Variants in GPAT3 observed in about 807,000 individuals in gnomAD.
GPAT3 encodes 1-AGP acyltransferase 9.
Under a neutral mutation model 58.8 loss-of-function variants are expected in GPAT3, and 53 were observed. That is an observed-to-expected ratio of 0.90 (90% CI 0.72 to 1.13). The LOEUF is 1.13. GPAT3 is among the 50% of genes most tolerant of loss of function. The pLI is 0.00. For synonymous variants in GPAT3, 197 were observed against 187.4 expected (o/e 1.05, Z -0.42); for missense variants, 511 against 527.6 (o/e 0.97, Z 0.31).
At chr4:83,569,838 T>TA (rs797004680) in intron 2 of GPAT3, among the ~76,000 whole-genome samples, 2,670 of 147,992 alleles carry the variant, frequency 0.018, 26 homozygotes, top group Non-Finnish European at 0.022. Flanking sequence ...CTGCCTCAGT[T>TA]AAAAAAAAAA....
At chr4:83,591,833 A>G (rs1411889294) in intron 6 of GPAT3, among the ~76,000 whole-genome samples, 6 of 152,214 alleles carry the variant, frequency 3.9e-5, no homozygotes, top group Non-Finnish European at 8.8e-5. Context: ...AGAATACCAC[A>G]GACTGTAACT....
Position 83,552,963 on chromosome 4 carries a change from G to A in GPAT3, c.208+8361G>A, listed in dbSNP as rs541604287. Among the ~76,000 whole-genome samples, 8 of 152,242 alleles carry A rather than the reference G, an allele frequency of 5.3e-5. No individual in the cohort carries two copies. The East Asian group carries it at 1.2e-3, about 22-fold the overall frequency. ...GTGAGAAGATAGCCATCTGGAAATCGGAAAGAGAGCCCTCACCAGAACCTG... is the reference window on the plus strand; with the variant it reads ...GTGAGAAGATAGCCATCTGGAAATCAGAAAGAGAGCCCTCACCAGAACCTG... On this transcript the variant is annotated intron_variant, in intron 2 of 11. Transcript: ENST00000264409.
chr4:83,547,545 C>G (rs1214626343), intron 2 of GPAT3, among the ~76,000 whole-genome samples: 1 of 152,132 alleles, frequency 6.6e-6, no homozygotes, highest in South Asian at 2.1e-4. Context: ...AGCTACTGCG[C>G]CTGGCCTCTG....
chr4:83,562,621 G>T (rs1303475628), intron 2 of GPAT3, among the ~76,000 whole-genome samples: 1 of 152,004 alleles, frequency 6.6e-6, no homozygotes, highest in Non-Finnish European at 1.5e-5. Flanking sequence ...TATTTGCAGA[G>T]GGTGAAAGAT....
At chr4:83,541,061 A>G (rs1451850549) in intron 1 of GPAT3, among the ~76,000 whole-genome samples, 1 of 152,156 alleles carries the variant, frequency 6.6e-6, no homozygotes, top group African/African-American at 2.4e-5. Flanking sequence ...GTCTGAGATG[A>G]TTACAGCCAG....
chr4:83,551,625 C>T (rs1724753788), intron 2 of GPAT3, among the ~76,000 whole-genome samples: 1 of 151,818 alleles, frequency 6.6e-6, no homozygotes, highest in Admixed American at 6.6e-5. Flanking sequence ...AACCCGGTCT[C>T]TACTAAAAAT....
At chr4:83,540,155 T>TAA (rs58697347) in intron 1 of GPAT3, among the ~76,000 whole-genome samples, 52 of 94,288 alleles carry the variant, frequency 5.5e-4, no homozygotes, top group African/African-American at 1.3e-3. Context: ...AGACTCCATC[T>TAA]AAAAAAAAAA....
At chr4:83,571,952 T>C (rs72654977) in intron 2 of GPAT3, among the ~76,000 whole-genome samples, 27,885 of 151,884 alleles carry the variant, frequency 0.18, 3,189 homozygotes, top group East Asian at 0.31. Context: ...TTGTGTTTTT[T>C]GTAGAGACGG....
intron 2 of GPAT3, among the ~76,000 whole-genome samples, chr4:83,566,132 ACCCATGGCTC>A (rs1725372463): frequency 6.6e-6 from 1 of 152,142 alleles, no homozygotes; most frequent in Non-Finnish European, 1.5e-5. Context: ...CTCAGAGGCC[ACCCATGGCTC>A]CCCATGGCTG....
intron 11 of GPAT3, among the ~76,000 whole-genome samples, chr4:83,604,007 T>C (rs1465507989): frequency 6.6e-6 from 1 of 152,164 alleles, no homozygotes; most frequent in African/African-American, 2.4e-5. Flanking sequence ...TTGTTTTCCT[T>C]AAGGAATAAT....
intron 11 of GPAT3, among the ~76,000 whole-genome samples, chr4:83,601,623 C>T (rs906473899): frequency 2.6e-5 from 4 of 152,196 alleles, no homozygotes; most frequent in Non-Finnish European, 2.9e-5. Context: ...GGCGCCATGG[C>T]GCACACCTGT....
At chr4:83,597,595 C>A in intron 9 of GPAT3, 80 bp downstream of exon 9, 1 of 1,119,512 alleles carries the variant, frequency 8.9e-7, no homozygotes, top group East Asian at 2.9e-5. Flanking sequence ...GCATTTCAAA[C>A]TTAAAATTTG....
At chr4:83,585,111 GA>G (rs1247737319) in intron 3 of GPAT3, among the ~76,000 whole-genome samples, 1 of 152,056 alleles carries the variant, frequency 6.6e-6, no homozygotes, top group Non-Finnish European at 1.5e-5. Flanking sequence ...TTGATGATGA[GA>G]TTAAACAATA....
intron 2 of GPAT3, among the ~76,000 whole-genome samples, chr4:83,573,378 A>T (rs1035788286): frequency 6.6e-6 from 1 of 152,122 alleles, no homozygotes; most frequent in Non-Finnish European, 1.5e-5. Flanking sequence ...ACCTCAGGTG[A>T]TCTGCCCACC....
intron 2 of GPAT3, among the ~76,000 whole-genome samples, chr4:83,545,917 T>C (rs76828750): frequency 6.6e-6 from 1 of 152,152 alleles, no homozygotes; most frequent in Admixed American, 6.5e-5. Flanking sequence ...TTGGGGTGAT[T>C]GTGGTACATG....
At chr4:83,541,280 G>T (rs1724293425) in intron 1 of GPAT3, among the ~76,000 whole-genome samples, 1 of 151,738 alleles carries the variant, frequency 6.6e-6, no homozygotes, top group Non-Finnish European at 1.5e-5. Context: ...ACCTAGCCTG[G>T]AGTGCAGTGT....
chr4:83,567,092 C>T (rs1219434987), intron 2 of GPAT3, among the ~76,000 whole-genome samples: 1 of 152,106 alleles, frequency 6.6e-6, no homozygotes. Flanking sequence ...GATAGGCTTG[C>T]CATTTCTTAT....
chr4:83,544,625 A>G (rs1424469063), intron 2 of GPAT3, 23 bp downstream of exon 2: 1 of 1,610,590 alleles, frequency 6.2e-7, no homozygotes, highest in Admixed American at 1.7e-5. Flanking sequence ...TTTCATTATG[A>G]TTGTTACCAT....
At chr4:83,554,195 G>A (rs978174997) in intron 2 of GPAT3, among the ~76,000 whole-genome samples, 3 of 152,026 alleles carry the variant, frequency 2.0e-5, no homozygotes, top group Non-Finnish European at 4.4e-5. Flanking sequence ...GTCTCATTAT[G>A]TTGTCCAGCC....
Sources: gnomAD v4.1 joint callset for allele counts (sites outside exome capture counted in the v4.1 genomes callset) on GRCh38, gnomAD v4.1.1 for gene constraint, MANE v1.5 for transcripts, NCBI Gene and HGNC (gene_info 2026-07-23, HGNC 2026-07-21) for gene names.